Variants in ELMO1 observed in about 807,000 individuals in gnomAD.
The protein encoded by ELMO1 is engulfment and cell motility protein 1.
In ELMO1, 26 loss-of-function variants were observed where a neutral mutation model predicts 98.9. The observed-to-expected ratio is 0.26, with a 90% CI of 0.19 to 0.36. The LOEUF (loss-of-function observed/expected upper bound fraction) is 0.36. Among genes scored for constraint, ELMO1 ranks in the 10% least tolerant of loss-of-function variants. ELMO1 has a pLI of 1.00. For synonymous variants in ELMO1, 346 were observed against 346.0 expected (o/e 1.00, Z 0.00); for missense variants, 627 against 935.2 (o/e 0.67, Z 4.30).
chr7:37,046,721 T>C (rs549751679), intron 15 of ELMO1, among the ~76,000 whole-genome samples: 94 of 152,318 alleles, frequency 6.2e-4, no homozygotes, highest in African/African-American at 2.2e-3. Context: ...ACAATGTGTA[T>C]CTTGCATCAG....
At position 36,855,843 on chromosome 7, in the gene ELMO1, A is replaced by G; in HGVS notation, c.1984-92T>C. On this transcript the variant is annotated intron_variant, in intron 21 of 21. Coordinates refer to ENST00000310758, the MANE Select transcript of ELMO1 (RefSeq NM_014800.11). This position sits in a 1 kb window ranked among gnomAD's most constrained non-coding sequence, Gnocchi z 4.2. Reference sequence around the variant, plus strand: ...AGCTAACAGTGAATACTCATCCCTCAGTAGGCTGTGCGCTAAGGGCTCTGC... The same window carrying G: ...AGCTAACAGTGAATACTCATCCCTCGGTAGGCTGTGCGCTAAGGGCTCTGC... 6.9e-7 allele frequency: 1 copy of G among 1,455,230 alleles called. No individual in the cohort carries two copies. Among genetic ancestry groups the G allele is most frequent in the South Asian group, 1.2e-5 (1 of 83,330 alleles). 90.1% of individuals were successfully genotyped at this position (1,455,230 alleles called of 1,614,324 possible).
intron 16 of ELMO1, among the ~76,000 whole-genome samples, chr7:36,982,818 A>T (rs970521074): frequency 6.6e-6 from 1 of 152,350 alleles, no homozygotes; most frequent in Non-Finnish European, 1.5e-5. Context: ...ATCCATTTAT[A>T]AAACAGATAG....
intron 18 of ELMO1, among the ~76,000 whole-genome samples, chr7:36,882,902 C>T (rs1267296185): frequency 1.3e-5 from 2 of 152,130 alleles, no homozygotes; most frequent in East Asian, 1.9e-4. Flanking sequence ...TTGGGAAGTG[C>T]CTTTTTTTCA....
chr7:36,913,268 T>C (rs1156804328), intron 16 of ELMO1, among the ~76,000 whole-genome samples: 1 of 152,228 alleles, frequency 6.6e-6, no homozygotes, highest in Non-Finnish European at 1.5e-5. Flanking sequence ...AATACATCTC[T>C]GTATCTGTTT....
intron 13 of ELMO1, among the ~76,000 whole-genome samples, chr7:37,155,647 A>T (rs900853885): frequency 6.6e-6 from 1 of 152,214 alleles, no homozygotes; most frequent in Non-Finnish European, 1.5e-5. Flanking sequence ...ATATGCACCC[A>T]ATACAGGAGC....
At chr7:37,364,290 G>A (rs1234924942) in intron 1 of ELMO1, among the ~76,000 whole-genome samples, 1 of 152,166 alleles carries the variant, frequency 6.6e-6, no homozygotes, top group African/African-American at 2.4e-5. Flanking sequence ...ACCCTCCCAT[G>A]GTTGAGTGTA....
At chr7:37,216,474 C>T (rs1437475023) in intron 11 of ELMO1, among the ~76,000 whole-genome samples, 171 bp downstream of exon 11, 1 of 152,098 alleles carries the variant, frequency 6.6e-6, no homozygotes, top group South Asian at 2.1e-4. Flanking sequence ...GTGGGAAAGC[C>T]TTTATTTATT....
chr7:37,133,118 C>A lies in ELMO1; in HGVS notation c.1191+12G>T, dbSNP rs765812913. The A allele has an allele frequency of 4.4e-6, 7 of 1,596,270 alleles. No individual in the cohort carries two copies. The African/African-American group carries it at 9.5e-5, about 22-fold the overall frequency. On this transcript the variant is annotated intron_variant, in intron 14 of 21. Coordinates refer to ENST00000310758, the MANE Select transcript of ELMO1 (RefSeq NM_014800.11). ...GAAACACACAATATCTGAAAAGGGG[C>A]TTCTTGCTTACCCGGATGTAGGCAT...
intron 19 of ELMO1, among the ~76,000 whole-genome samples, chr7:36,874,861 A>AG (rs1307038214): frequency 6.6e-6 from 1 of 152,214 alleles, no homozygotes; most frequent in African/African-American, 2.4e-5. Flanking sequence ...CGATTTTCAA[A>AG]GGCCAAATTT....
intron 1 of ELMO1, among the ~76,000 whole-genome samples, chr7:37,359,442 G>T (rs1006947793): frequency 3.3e-5 from 5 of 152,140 alleles, no homozygotes; most frequent in African/African-American, 1.2e-4. Flanking sequence ...CAATTTCTTA[G>T]GATGAGTACT....
intron 1 of ELMO1, among the ~76,000 whole-genome samples, chr7:37,373,530 AC>A (rs1433233790): frequency 6.6e-5 from 10 of 151,220 alleles, no homozygotes; most frequent in Admixed American, 6.6e-4. Flanking sequence ...AAAAGGTTGA[AC>A]CCAGGAGGTG....
intron 13 of ELMO1, among the ~76,000 whole-genome samples, chr7:37,180,434 T>C (rs1174431142): frequency 2.0e-5 from 3 of 152,140 alleles, no homozygotes; most frequent in East Asian, 1.9e-4. Context: ...CACAAAACCA[T>C]GGTCTGTATT....
intron 10 of ELMO1, among the ~76,000 whole-genome samples, chr7:37,219,309 G>A (rs1189466524): frequency 6.6e-6 from 1 of 152,086 alleles, no homozygotes; most frequent in East Asian, 1.9e-4. Flanking sequence ...TTCAGTAACA[G>A]CAGAAATAAG....
intron 14 of ELMO1, among the ~76,000 whole-genome samples, chr7:37,116,246 C>A (rs944967649): frequency 6.6e-6 from 1 of 152,164 alleles, no homozygotes. Context: ...ACAGCAGCTG[C>A]TGAGCTCTGC....
intron 4 of ELMO1, among the ~76,000 whole-genome samples, chr7:37,283,868 C>CACAAAG (rs1477781902): frequency 6.6e-6 from 1 of 152,232 alleles, no homozygotes; most frequent in Non-Finnish European, 1.5e-5. Context: ...CTGTGGTGGC[C>CACAAAG]ATGCCCTCTT....
At chr7:37,134,558 C>CA (rs370768267) in intron 13 of ELMO1, among the ~76,000 whole-genome samples, 28,428 of 88,872 alleles carry the variant, frequency 0.32, 4,298 homozygotes, top group African/African-American at 0.51. Flanking sequence ...GACTCCATCT[C>CA]AAAAAAAAAA....
At chr7:37,101,263 C>A (rs768353326) in intron 14 of ELMO1, among the ~76,000 whole-genome samples, 1 of 152,188 alleles carries the variant, frequency 6.6e-6, no homozygotes, top group Non-Finnish European at 1.5e-5. Flanking sequence ...GTCCCATGTG[C>A]TGCTGTTTAA....
chr7:37,113,264 G>A (rs996303027), intron 14 of ELMO1, among the ~76,000 whole-genome samples: 1 of 152,242 alleles, frequency 6.6e-6, no homozygotes, highest in Non-Finnish European at 1.5e-5. Context: ...TAACAAATAT[G>A]TGCTGACTGT....
chr7:37,140,025 T>C (rs1218067138), intron 13 of ELMO1, among the ~76,000 whole-genome samples: 8 of 152,052 alleles, frequency 5.3e-5, no homozygotes, highest in South Asian at 2.1e-4. Context: ...TGTAGAAGAA[T>C]GAAACTGGAT....
Sources: allele counts gnomAD v4.1 joint callset (sites outside exome capture counted in the v4.1 genomes callset), GRCh38; gene constraint gnomAD v4.1.1; non-coding constraint Gnocchi (gnomAD v3.1); transcripts MANE v1.5; gene names NCBI Gene and HGNC (gene_info 2026-07-23, HGNC 2026-07-21).